TOP6BL: variants seen among roughly 807,000 people sequenced by gnomAD.
The protein encoded by TOP6BL is type 2 DNA topoisomerase 6 subunit B-like.
the TOP6BL span, among the ~76,000 whole-genome samples, chr11:66,811,167 C>G: frequency 6.6e-6 from 1 of 151,624 alleles, no homozygotes; most frequent in Middle Eastern, 3.4e-3. Flanking sequence ...TTTCTATGTT[C>G]TTCATATTTC....
chr11:66,788,041 A>G, the TOP6BL span: 1 of 628,360 alleles, frequency 1.6e-6, no homozygotes, highest in South Asian at 2.3e-5. Flanking sequence ...TAAATCTTGT[A>G]GATAATCTTT....
chr11:66,832,013 A>AC, the TOP6BL span, among the ~76,000 whole-genome samples: 6 of 151,118 alleles, frequency 4.0e-5, no homozygotes, highest in South Asian at 2.1e-4. Context: ...AAAAAAAAAA[A>AC]AAACAAAAAA....
chr11:66,806,789 G>A, the TOP6BL span, among the ~76,000 whole-genome samples: 3 of 151,970 alleles, frequency 2.0e-5, no homozygotes, highest in Admixed American at 2.0e-4. Flanking sequence ...GAAGAGGCGT[G>A]GTATGATAGA....
At chr11:66,782,271 A>C in the TOP6BL span, among the ~76,000 whole-genome samples, 1 of 152,204 alleles carries the variant, frequency 6.6e-6, no homozygotes, top group Non-Finnish European at 1.5e-5. Flanking sequence ...ATTTCTAGCT[A>C]GGCCTGAAGG....
chr11:66,819,091 TCC>T, the TOP6BL span, among the ~76,000 whole-genome samples: 1 of 152,172 alleles, frequency 6.6e-6, no homozygotes, highest in Non-Finnish European at 1.5e-5. Flanking sequence ...TACCTTCTCT[TCC>T]CCCTTTTCTT....
At chr11:66,796,401 T>TTAA in the TOP6BL span, 4 of 1,499,190 alleles carry the variant, frequency 2.7e-6, no homozygotes, top group Admixed American at 5.5e-5. Flanking sequence ...ATTCTCTTAT[T>TTAA]TAAGTCATTG....
At chr11:66,766,188 G>C in the TOP6BL span, among the ~76,000 whole-genome samples, 1 of 152,162 alleles carries the variant, frequency 6.6e-6, no homozygotes, top group African/African-American at 2.4e-5. Context: ...AAAACAAGTG[G>C]TCTGACCCTT....
chr11:66,786,281 G>C, the TOP6BL span, among the ~76,000 whole-genome samples: 1 of 150,210 alleles, frequency 6.7e-6, no homozygotes, highest in Admixed American at 6.6e-5. Context: ...CTGGGTGACA[G>C]AGCAAAACTC....
chr11:66,819,251 CATT>C, the TOP6BL span, among the ~76,000 whole-genome samples: 2 of 152,050 alleles, frequency 1.3e-5, no homozygotes, highest in Non-Finnish European at 2.9e-5. Context: ...GTGATTAACT[CATT>C]TTTTTTTTCT....
At chr11:66,805,750 C>T in the TOP6BL span, among the ~76,000 whole-genome samples, 29 of 152,098 alleles carry the variant, frequency 1.9e-4, no homozygotes, top group East Asian at 4.3e-3. Flanking sequence ...CCACTGTGCT[C>T]GGCCTGGAGG....
the TOP6BL span, among the ~76,000 whole-genome samples, chr11:66,746,080 G>A: frequency 6.6e-6 from 1 of 152,058 alleles, no homozygotes; most frequent in Admixed American, 6.6e-5. Context: ...CAAAGTGCTG[G>A]GACCGGCGTG....
the TOP6BL span, chr11:66,756,555 A>T: frequency 9.9e-7 from 1 of 1,008,930 alleles, no homozygotes; most frequent in African/African-American, 1.7e-5. Flanking sequence ...CTCAATTTTC[A>T]GTTATATTTC....
the TOP6BL span, among the ~76,000 whole-genome samples, chr11:66,803,665 T>TC: frequency 7.9e-5 from 12 of 152,108 alleles, no homozygotes; most frequent in Admixed American, 2.0e-4. Context: ...CCTCAAGTGA[T>TC]CCACCCACCT....
the TOP6BL span, among the ~76,000 whole-genome samples, chr11:66,821,376 C>T: frequency 1.3e-5 from 2 of 151,072 alleles, no homozygotes; most frequent in African/African-American, 4.9e-5. Context: ...CAAGCTCCGC[C>T]TCCCGGGTTC....
the TOP6BL span, chr11:66,843,229 C>T: frequency 1.2e-6 from 2 of 1,609,468 alleles, no homozygotes; most frequent in Non-Finnish European, 1.7e-6. Context: ...CAGCCCTGGG[C>T]CCTGAGCCGG....
the TOP6BL span, among the ~76,000 whole-genome samples, chr11:66,802,253 A>G: frequency 6.6e-6 from 1 of 152,022 alleles, no homozygotes; most frequent in South Asian, 2.1e-4. Flanking sequence ...CCCTGGTTCA[A>G]GCGATTCTCC....
chr11:66,798,597 CAAA>C, the TOP6BL span, among the ~76,000 whole-genome samples: 9 of 43,238 alleles, frequency 2.1e-4, no homozygotes, highest in African/African-American at 3.5e-4. Context: ...GACTCTGTCT[CAAA>C]AAAAAAAAAA....
the TOP6BL span, among the ~76,000 whole-genome samples, chr11:66,751,490 GCTGA>G: frequency 2.0e-3 from 301 of 150,850 alleles, 1 homozygote; most frequent in African/African-American, 6.4e-3. Flanking sequence ...ACCGTGCCTG[GCTGA>G]CTAATTTTTT....
At chr11:66,820,932 G>C in the TOP6BL span, among the ~76,000 whole-genome samples, 1 of 152,176 alleles carries the variant, frequency 6.6e-6, no homozygotes, top group Non-Finnish European at 1.5e-5. Flanking sequence ...CTAAAAAAAG[G>C]TAATTATTTG....
Sources: gnomAD v4.1 joint callset for allele counts (sites outside exome capture counted in the v4.1 genomes callset) on GRCh38, gnomAD v4.1.1 for gene constraint, MANE v1.5 for transcripts, NCBI Gene and HGNC (gene_info 2026-07-23, HGNC 2026-07-21) for gene names.